The following RNF24 variants were observed in gnomAD, a reference collection of about 807,000 sequenced individuals.
The protein encoded by RNF24 is ring finger protein 24.
Under a neutral mutation model 20.0 loss-of-function variants are expected in RNF24, and 14 were observed. The ratio of observed to expected loss-of-function variants is 0.70; its 90% CI spans 0.46 to 1.10. The LOEUF is 1.10. Ranked by LOEUF, RNF24 falls within the 50% of genes least tolerant of loss-of-function variation. RNF24 has a pLI of 0.00. For synonymous variants in RNF24, 45 were observed against 61.1 expected, an observed-to-expected ratio of 0.74 and a Z score of 1.23; for missense variants, 124 against 177.6, an observed-to-expected ratio of 0.70 and a Z score of 1.71.
At chr20:3,977,676 T>C (rs1191489914) in intron 1 of RNF24, among the ~76,000 whole-genome samples, 3 of 151,852 alleles carry the variant, frequency 2.0e-5, no homozygotes, top group South Asian at 4.2e-4. Flanking sequence ...CCATCCTGGC[T>C]AACACGGTGA....
rs890282675 is a variant in RNF24, at chr20:3,931,303, C to A, written c.*2760G>T. The A allele has an allele frequency of 6.6e-6, 1 of 152,226 alleles. No homozygotes were observed. Among genetic ancestry groups the A allele is most frequent in the Non-Finnish European group, 1.5e-5 (1 of 68,050 alleles). The allele number at this position is 152,226 out of a possible 1,614,324, so 9.4% of individuals were successfully genotyped here. ...GCTACACAGTAACAAGTCCCAGCAA[C>A]TCCTGAAGATAGATGCGGAAAGGGT... On this transcript the variant is annotated 3_prime_UTR_variant, in exon 6 of 6. Coordinates refer to ENST00000358395, the MANE Select transcript of RNF24 (RefSeq NM_001134337.3).
intron 3 of RNF24, among the ~76,000 whole-genome samples, chr20:3,945,467 C>A (rs1319604229): frequency 6.6e-6 from 1 of 152,106 alleles, no homozygotes; most frequent in Non-Finnish European, 1.5e-5. Flanking sequence ...GTAATCCCAG[C>A]ACTTTGGGAT....
chr20:3,987,847 G>A (rs1185758430), intron 1 of RNF24, among the ~76,000 whole-genome samples: 2 of 152,090 alleles, frequency 1.3e-5, no homozygotes, highest in African/African-American at 4.8e-5. Context: ...GTAAACTAGA[G>A]AGTATTCACT....
rs1437826137 is a variant in RNF24 at position 3,933,102 on chromosome 20, GAGAT to G, written c.*957_*960del. The G allele has an allele frequency of 2.3e-5, 8 of 341,996 alleles. No homozygotes were observed. Among genetic ancestry groups the G allele is most frequent in the Middle Eastern group, 7.8e-4 (1 of 1,290 alleles). 21.2% of individuals were successfully genotyped at this position (341,996 alleles called of 1,614,324 possible). On this transcript the variant is annotated 3_prime_UTR_variant, in exon 6 of 6. Transcript: ENST00000358395. ...TTTTTTTTTTTCTGAAGTAGAAAGA[GAGAT>G]AGGGCAAGAGAGAGAAGAGATGGAA...
intron 1 of RNF24, among the ~76,000 whole-genome samples, chr20:3,978,199 G>A (rs6076577): frequency 0.53 from 80,617 of 151,126 alleles, 22,072 homozygotes; most frequent in South Asian, 0.67. Flanking sequence ...CACCATACCC[G>A]GCTAATTTTT....
chr20:3,985,863 C>T (rs944056766), intron 1 of RNF24, among the ~76,000 whole-genome samples: 4 of 151,888 alleles, frequency 2.6e-5, no homozygotes, highest in Non-Finnish European at 5.9e-5. Flanking sequence ...CTCCGCCTCC[C>T]GAGTAGCTGA....
chr20:3,946,055 A>T (rs561373780), intron 3 of RNF24, among the ~76,000 whole-genome samples: 1 of 152,338 alleles, frequency 6.6e-6, no homozygotes, highest in South Asian at 2.1e-4. Flanking sequence ...TTAAAGATCA[A>T]ATTTACTGTA....
chr20:3,946,494 G>A (rs1415891387), intron 3 of RNF24, among the ~76,000 whole-genome samples: 1 of 151,806 alleles, frequency 6.6e-6, no homozygotes, highest in Non-Finnish European at 1.5e-5. Context: ...TATGATAGGA[G>A]TCTGGGCAAC....
rs2090844127 is a variant in RNF24, at chr20:3,933,069, T to G, written c.*994A>C. On this transcript the variant is annotated 3_prime_UTR_variant, in exon 6 of 6. Transcript: ENST00000358395. ...TTAAAAAGTGAATGACAGGCTTTTT[T>G]TTTTTTTTTTTTTTTTTTCTGAAGT... 3.3e-6 allele frequency: 1 copy of G among 299,548 alleles called. No individual in the cohort carries two copies. Among genetic ancestry groups the G allele is most frequent in the Admixed American group, 5.1e-5 (1 of 19,538 alleles). 18.6% of individuals were successfully genotyped at this position (299,548 alleles called of 1,614,324 possible).
chr20:4,004,283 GTCTT>G (rs1007279943), intron 1 of RNF24, among the ~76,000 whole-genome samples: 10 of 152,046 alleles, frequency 6.6e-5, no homozygotes, highest in Non-Finnish European at 1.0e-4. Flanking sequence ...TCAATCTTCT[GTCTT>G]TCTATCTTCC....
intron 1 of RNF24, among the ~76,000 whole-genome samples, chr20:4,014,441 C>T (rs1423590067): frequency 6.6e-6 from 1 of 152,028 alleles, no homozygotes; most frequent in Non-Finnish European, 1.5e-5. Flanking sequence ...TGAACTAAAC[C>T]CAGAAAGCAG....
chr20:3,947,816 G>T (rs1385916444), intron 3 of RNF24, among the ~76,000 whole-genome samples: 4 of 152,204 alleles, frequency 2.6e-5, no homozygotes, highest in Admixed American at 6.5e-5. Flanking sequence ...GGAGGCCGAG[G>T]CGGGCGGATC....
At chr20:3,973,500 C>CAAAAAAAAAAAAAAAAAAAAA (rs56824542) in intron 1 of RNF24, among the ~76,000 whole-genome samples, 1 of 101,106 alleles carries the variant, frequency 9.9e-6, no homozygotes, top group African/African-American at 3.9e-5. Flanking sequence ...GGAAGAATGA[C>CAAAAAAAAAAAAAAAAAAAAA]AAAAAAAAAA....
At chr20:3,957,569 T>A (rs950437799) in intron 2 of RNF24, among the ~76,000 whole-genome samples, 31 of 152,112 alleles carry the variant, frequency 2.0e-4, no homozygotes, top group African/African-American at 7.5e-4. Context: ...TTGAATCTTT[T>A]AATTAGATCT....
rs1199744558 is a variant in RNF24, at chr20:3,931,589, A to C, written c.*2474T>G. ...GCTAAGAGTCGCAGGAACTACTGCTAGTGATACTAGGCTTGCTGCAGGAGG... is the reference window on the plus strand; with the variant it reads ...GCTAAGAGTCGCAGGAACTACTGCTCGTGATACTAGGCTTGCTGCAGGAGG... On this transcript the variant is annotated 3_prime_UTR_variant, in exon 6 of 6. Transcript: ENST00000358395. 1 of 152,234 alleles carries C rather than the reference A, an allele frequency of 6.6e-6. No individual in the cohort carries two copies. The highest frequency in any genetic ancestry group is 2.4e-5 in the African/African-American group (1 of 41,454). The allele number at this position is 152,234 out of a possible 1,614,324, so 9.4% of individuals were successfully genotyped here.
At chr20:3,974,806 A>T (rs1227147833) in intron 1 of RNF24, among the ~76,000 whole-genome samples, 1 of 152,154 alleles carries the variant, frequency 6.6e-6, no homozygotes, top group Non-Finnish European at 1.5e-5. Context: ...GGATTTGAAG[A>T]CTCAGCATAG....
Position 3,933,994 on chromosome 20 carries a change from ACAC to A in RNF24, c.*66_*68del, listed in dbSNP as rs1187279520. 11 of 1,374,294 alleles carry A rather than the reference ACAC, an allele frequency of 8.0e-6. No individual in the cohort carries two copies. The highest frequency in any genetic ancestry group is 1.0e-5 in the Non-Finnish European group (11 of 1,050,708). 85.1% of individuals were successfully genotyped at this position (1,374,294 alleles called of 1,614,324 possible). On this transcript the variant is annotated 3_prime_UTR_variant, in exon 6 of 6. Transcript: ENST00000358395. The stretch of plus-strand genomic sequence containing the variant: ...TCCTAGGTAGAGAGCAGCCATACAG[ACAC>A]CACATGTGTTCCTCCTGGCTCCACA...
At chr20:3,954,898 CAAG>C (rs1568626768) in intron 2 of RNF24, among the ~76,000 whole-genome samples, 3 of 116,404 alleles carry the variant, frequency 2.6e-5, no homozygotes, top group African/African-American at 6.5e-5. Flanking sequence ...GACTCCATCT[CAAG>C]AAAAAAAAAA....
rs1979734043 is a variant in RNF24 at position 3,984,769 on chromosome 20, TCA to T, written c.-7-20747_-7-20746del. On this transcript the variant is annotated intron_variant, in intron 1 of 5. Transcript: ENST00000358395. ...TGAGGTTATCCTTATTTTTTATTCTTCAGAGGATAACTCTTCTTTCTTTCAAG... is the reference window on the plus strand; with the variant it reads ...TGAGGTTATCCTTATTTTTTATTCTTGAGGATAACTCTTCTTTCTTTCAAG... 2.0e-5 allele frequency among the ~76,000 whole-genome samples: 3 copies of T among 152,250 alleles called. No individual in the cohort carries two copies. In the South Asian group the frequency reaches 6.2e-4, roughly 32 times the overall value.
Sources: allele counts gnomAD v4.1 joint callset (sites outside exome capture counted in the v4.1 genomes callset), GRCh38; gene constraint gnomAD v4.1.1; transcripts MANE v1.5; gene names NCBI Gene and HGNC (gene_info 2026-07-23, HGNC 2026-07-21).